Variants in FOXP1 observed in about 807,000 individuals in gnomAD.
FOXP1 encodes forkhead box protein P1.
Under a neutral mutation model 98.2 loss-of-function variants are expected in FOXP1, and 15 were observed. The observed-to-expected ratio is 0.15, with a 90% CI of 0.10 to 0.24. FOXP1 has a LOEUF of 0.24. Among genes scored for constraint, FOXP1 ranks in the 10% least tolerant of loss-of-function variants. The pLI, the probability that FOXP1 is intolerant of heterozygous loss-of-function variation, is 1.00. For synonymous variants in FOXP1, 371 were observed against 314.5 expected (o/e 1.18, Z -1.90); for missense variants, 633 against 848.5 (o/e 0.75, Z 3.15).
At chr3:71,498,359 C>T (rs979678329) in intron 2 of FOXP1, among the ~76,000 whole-genome samples, 3 of 152,148 alleles carry the variant, frequency 2.0e-5, no homozygotes, top group Admixed American at 6.5e-5. Flanking sequence ...TCCCTGAGGC[C>T]GGGACCTAGC....
intron 5 of FOXP1, among the ~76,000 whole-genome samples, chr3:71,289,101 C>T (rs2072483895): frequency 6.6e-6 from 1 of 151,718 alleles, no homozygotes; most frequent in African/African-American, 2.4e-5. Context: ...GTGGTGCGAT[C>T]TTGGTTCACT....
At chr3:71,152,960 C>G (rs1166870005) in intron 6 of FOXP1, among the ~76,000 whole-genome samples, 3 of 152,196 alleles carry the variant, frequency 2.0e-5, no homozygotes, top group East Asian at 1.9e-4. Context: ...CCTTGACAAA[C>G]TTTCCATCCC....
At chr3:71,146,813 G>A (rs1053865366) in intron 6 of FOXP1, among the ~76,000 whole-genome samples, 9 of 152,190 alleles carry the variant, frequency 5.9e-5, no homozygotes, top group South Asian at 2.1e-4. Flanking sequence ...AACACTAAGC[G>A]GAAGACAAAG....
At chr3:71,277,262 T>A (rs967898018) in intron 5 of FOXP1, among the ~76,000 whole-genome samples, 1 of 75,740 alleles carries the variant, frequency 1.3e-5, no homozygotes, top group African/African-American at 4.2e-5. Flanking sequence ...CTGGCTGAAC[T>A]TTTTTTTTTT....
intron 3 of FOXP1, among the ~76,000 whole-genome samples, chr3:71,422,778 G>C (rs2083762642): frequency 6.6e-6 from 1 of 152,130 alleles, no homozygotes; most frequent in African/African-American, 2.4e-5. Context: ...AAAAAGGGGT[G>C]AATGCCCTCT....
chr3:71,126,272 C>T (rs906358824), intron 6 of FOXP1, among the ~76,000 whole-genome samples: 2 of 151,292 alleles, frequency 1.3e-5, no homozygotes, highest in African/African-American at 4.9e-5. Flanking sequence ...ATCACCAGGT[C>T]AGGAGATCGA....
chr3:70,983,546 A>G (rs966327619), intron 14 of FOXP1, among the ~76,000 whole-genome samples: 11 of 152,172 alleles, frequency 7.2e-5, no homozygotes, highest in Admixed American at 3.9e-4. Flanking sequence ...AAAATCTAAT[A>G]CTATATTTCA....
chr3:71,050,489 T>C (rs1214577057), intron 9 of FOXP1, among the ~76,000 whole-genome samples: 4 of 152,330 alleles, frequency 2.6e-5, no homozygotes, highest in Middle Eastern at 6.8e-3. Context: ...TTTGATGCCT[T>C]TGAAAAGAAA....
chr3:71,395,853 A>T (rs1288806005), intron 3 of FOXP1, among the ~76,000 whole-genome samples: 2 of 152,022 alleles, frequency 1.3e-5, no homozygotes, highest in Non-Finnish European at 2.9e-5. Context: ...ATGTTGCGCA[A>T]ATTTCCTGTA....
Position 71,402,853 on chromosome 3 carries a change from G to C in FOXP1, c.-167-43609C>G, listed in dbSNP as rs183462844. On this transcript the variant is annotated intron_variant, in intron 3 of 20. Coordinates refer to ENST00000649528, the MANE Select transcript of FOXP1 (RefSeq NM_001349338.3). ...GCAAATAGGACAAGCTGCTAAGAGG[G>C]GTTCCTTCAGGGTGAACAGGATGCA... Among the ~76,000 whole-genome samples, 19 of 152,248 alleles carry C rather than the reference G, an allele frequency of 1.2e-4. No individual in the cohort carries two copies. In the South Asian group the frequency reaches 3.9e-3, roughly 32 times the overall value.
rs937842043 is a variant in FOXP1 at position 71,581,964 on chromosome 3, G to C, written c.-446-267C>G. On this transcript the variant is annotated intron_variant, in intron 1 of 20. Transcript: ENST00000649528. ...CAAAGTTGCAACAACAAAAAGGAGGGGGGAGGAATAGGGAGAAGGGGGTGG... is the reference window on the plus strand; with the variant it reads ...CAAAGTTGCAACAACAAAAAGGAGGCGGGAGGAATAGGGAGAAGGGGGTGG... 4.1e-6 allele frequency: 4 copies of C among 970,030 alleles called. No individual in the cohort carries two copies. The African/African-American group carries it at 7.0e-5, about 17-fold the overall frequency. 60.1% of individuals were successfully genotyped at this position (970,030 alleles called of 1,614,324 possible).
At chr3:71,170,759 C>T (rs1418886161) in intron 6 of FOXP1, among the ~76,000 whole-genome samples, 1 of 152,146 alleles carries the variant, frequency 6.6e-6, no homozygotes, top group Non-Finnish European at 1.5e-5. Context: ...CCCAGAACGA[C>T]CACTAATTGA....
At chr3:71,521,970 T>C (rs1186057700) in intron 2 of FOXP1, among the ~76,000 whole-genome samples, 1 of 152,202 alleles carries the variant, frequency 6.6e-6, no homozygotes, top group Admixed American at 6.5e-5. Flanking sequence ...GCTGATTTGG[T>C]ACATTTTCAG....
chr3:71,247,661 GC>G (rs2067858663), intron 5 of FOXP1, among the ~76,000 whole-genome samples: 2 of 152,186 alleles, frequency 1.3e-5, no homozygotes, highest in South Asian at 4.1e-4. Context: ...GTTTTTGTCT[GC>G]CCAACATCCA....
chr3:71,173,961 T>G (rs962651827), intron 6 of FOXP1, among the ~76,000 whole-genome samples: 6 of 152,208 alleles, frequency 3.9e-5, no homozygotes, highest in African/African-American at 1.4e-4. Flanking sequence ...TACAGTATCA[T>G]GTGATTAGCA....
At chr3:71,519,513 A>C (rs924432448) in intron 2 of FOXP1, among the ~76,000 whole-genome samples, 2 of 152,168 alleles carry the variant, frequency 1.3e-5, no homozygotes, top group Non-Finnish European at 2.9e-5. Flanking sequence ...TCTCTCAGGA[A>C]GGCACAGACC....
At chr3:71,335,495 A>G (rs1316303216) in intron 4 of FOXP1, among the ~76,000 whole-genome samples, 1 of 152,174 alleles carries the variant, frequency 6.6e-6, no homozygotes, top group Non-Finnish European at 1.5e-5. Flanking sequence ...AACTGTCAGC[A>G]TGGAAGAAAG....
intron 5 of FOXP1, among the ~76,000 whole-genome samples, chr3:71,283,809 C>T (rs2071817874): frequency 6.6e-6 from 1 of 152,240 alleles, no homozygotes; most frequent in Non-Finnish European, 1.5e-5. Flanking sequence ...CCAGTAAGCA[C>T]TCAATAATTA....
At chr3:70,995,020 TG>T (rs2041166839) in intron 13 of FOXP1, among the ~76,000 whole-genome samples, 1 of 152,112 alleles carries the variant, frequency 6.6e-6, no homozygotes, top group East Asian at 1.9e-4. Flanking sequence ...TTCTGTCAGA[TG>T]TTTTTTGTAT....
Sources: gnomAD v4.1 joint callset for allele counts (sites outside exome capture counted in the v4.1 genomes callset) on GRCh38, gnomAD v4.1.1 for gene constraint, MANE v1.5 for transcripts, NCBI Gene and HGNC (gene_info 2026-07-23, HGNC 2026-07-21) for gene names.